ABCC1: variants seen among roughly 807,000 people sequenced by gnomAD.
ABCC1 encodes the protein multidrug resistance-associated protein 1.
In ABCC1, 83 loss-of-function variants were observed where a neutral mutation model predicts 172.9. The ratio of observed to expected loss-of-function variants is 0.48; its 90% CI spans 0.40 to 0.58. The LOEUF is 0.58. ABCC1 is among the 20% of genes least tolerant of loss of function. The probability of loss-of-function intolerance (pLI) is 0.00; values close to 1 mark genes in which losing one functional copy is unlikely to be tolerated. For missense variants in ABCC1, 1,817 were observed against 2,002.7 expected, an observed-to-expected ratio of 0.91 and a Z score of 1.77; for synonymous variants, 937 against 825.2, an observed-to-expected ratio of 1.14 and a Z score of -2.32.
At chr16:16,013,001 G>A (rs1016317850) in intron 3 of ABCC1, among the ~76,000 whole-genome samples, 3 of 151,964 alleles carry the variant, frequency 2.0e-5, no homozygotes, top group African/African-American at 4.8e-5. Flanking sequence ...TCTTTTGATC[G>A]TTCATTTATG....
chr16:16,008,836 CCTT>C (rs1481221091), intron 2 of ABCC1, among the ~76,000 whole-genome samples: 5 of 135,138 alleles, frequency 3.7e-5, no homozygotes, highest in East Asian at 2.0e-4. Flanking sequence ...GAGCGAGACT[CCTT>C]CTCAAAAAAA....
rs374598733 is a variant in ABCC1 at position 16,121,389 on chromosome 16, A to G, written c.3391-586A>G. Among the ~76,000 whole-genome samples, 25 of 152,338 alleles carry G rather than the reference A, an allele frequency of 1.6e-4. No homozygotes were observed. The East Asian group carries it at 4.8e-3, about 29-fold the overall frequency. On this transcript the variant is annotated intron_variant, in intron 23 of 30. Coordinates refer to ENST00000399410, the MANE Select transcript of ABCC1 (RefSeq NM_004996.4). ...TTTACAGATAAGGAAACTGAGGCTTAGAGAAGTAAAGTGTTAGTCGTGTTT... is the reference window on the plus strand; with the variant it reads ...TTTACAGATAAGGAAACTGAGGCTTGGAGAAGTAAAGTGTTAGTCGTGTTT...
intron 1 of ABCC1, among the ~76,000 whole-genome samples, chr16:15,992,589 C>T (rs892071470): frequency 2.6e-5 from 4 of 152,110 alleles, no homozygotes; most frequent in African/African-American, 4.8e-5. Context: ...TTAGTAGAGA[C>T]GGGGTTTTAC....
intron 17 of ABCC1, among the ~76,000 whole-genome samples, chr16:16,083,857 A>C (rs2050903501): frequency 1.3e-5 from 2 of 152,134 alleles, no homozygotes; most frequent in South Asian, 4.1e-4. Flanking sequence ...CTTAAAGTAC[A>C]CTGTCCCTTC....
At position 16,106,889 on chromosome 16, in the gene ABCC1, T is replaced by C. The variant is rs1358030623; in HGVS notation, c.2871+16T>C. ...GACAGGGCAGGTGAGATTCGCTCCT[T>C]AAGTGATGACAGTGGCTGGAGTTTA... On this transcript the variant is annotated intron_variant, in intron 21 of 30. Transcript: ENST00000399410. The C allele has an allele frequency of 1.9e-6, 3 of 1,613,856 alleles. No homozygotes were observed. Among genetic ancestry groups the C allele is most frequent in the Non-Finnish European group, 2.5e-6 (3 of 1,179,922 alleles).
intron 1 of ABCC1, among the ~76,000 whole-genome samples, chr16:15,993,020 G>A (rs1049706663): frequency 6.6e-6 from 1 of 152,056 alleles, no homozygotes; most frequent in Non-Finnish European, 1.5e-5. Context: ...TGCCCAGACC[G>A]CCACTCTGGT....
chr16:15,966,374 T>C (rs2046242082), intron 1 of ABCC1, among the ~76,000 whole-genome samples: 1 of 149,314 alleles, frequency 6.7e-6, no homozygotes, highest in African/African-American at 2.5e-5. Context: ...ATTGTGCCAC[T>C]GCACTCCAGC....
At chr16:16,094,169 A>G (rs1434578614) in intron 19 of ABCC1, 4 of 247,776 alleles carry the variant, frequency 1.6e-5, no homozygotes, top group South Asian at 5.4e-5. Flanking sequence ...GAGTGAGCTC[A>G]CGTATGGGTT....
chr16:16,079,562 T>G, intron 16 of ABCC1, 84 bp downstream of exon 16: 2 of 1,510,328 alleles, frequency 1.3e-6, no homozygotes, highest in Non-Finnish European at 1.8e-6. Flanking sequence ...TTCTTTTGAC[T>G]GTCCCTGTGC....
intron 5 of ABCC1, among the ~76,000 whole-genome samples, chr16:16,017,536 C>T (rs899649510): frequency 6.6e-6 from 1 of 152,020 alleles, no homozygotes; most frequent in African/African-American, 2.4e-5. Context: ...GCCCAGGATC[C>T]ATTAGCTATT....
At chr16:15,983,431 G>A (rs143082532) in intron 1 of ABCC1, among the ~76,000 whole-genome samples, 39 of 152,204 alleles carry the variant, frequency 2.6e-4, no homozygotes, top group African/African-American at 8.4e-4. Flanking sequence ...CCTGTCTGCG[G>A]TTGGGAGGGG....
intron 9 of ABCC1, 55 bp from the exon 10 acceptor site, chr16:16,048,087 G>A (rs2049289472): frequency 2.5e-6 from 4 of 1,595,192 alleles, no homozygotes; most frequent in Non-Finnish European, 2.6e-6. Context: ...TGGAGGGAGA[G>A]TCAGGCCTCT....
At chr16:16,104,960 G>A (rs1340725070) in intron 20 of ABCC1, among the ~76,000 whole-genome samples, 3 of 152,132 alleles carry the variant, frequency 2.0e-5, no homozygotes, top group Non-Finnish European at 4.4e-5. Flanking sequence ...CAGAACTAGC[G>A]CTGGCCCGCA....
intron 28 of ABCC1, among the ~76,000 whole-genome samples, chr16:16,135,511 A>G (rs2045885746): frequency 2.6e-5 from 4 of 151,974 alleles, no homozygotes; most frequent in Admixed American, 2.6e-4. Flanking sequence ...CACCCAGTGC[A>G]GTGGCACGAT....
intron 27 of ABCC1, among the ~76,000 whole-genome samples, chr16:16,133,332 G>T (rs1384066822): frequency 6.6e-6 from 1 of 152,166 alleles, no homozygotes; most frequent in Non-Finnish European, 1.5e-5. Flanking sequence ...TTCTCTCTGA[G>T]TTACAGAGAA....
intron 17 of ABCC1, among the ~76,000 whole-genome samples, chr16:16,084,809 T>C (rs551238636): frequency 6.6e-6 from 1 of 152,140 alleles, no homozygotes; most frequent in South Asian, 2.1e-4. Context: ...TTAGTAGAGA[T>C]GGGATTTCGC....
At chr16:16,044,715 T>G in intron 8 of ABCC1, 35 bp downstream of exon 8, 1 of 1,580,140 alleles carries the variant, frequency 6.3e-7, no homozygotes, top group Non-Finnish European at 8.7e-7. Flanking sequence ...GGCTCCATTT[T>G]CCCTCCTTGG....
At chr16:15,967,750 A>G (rs1352500548) in intron 1 of ABCC1, among the ~76,000 whole-genome samples, 5 of 109,294 alleles carry the variant, frequency 4.6e-5, no homozygotes, top group Non-Finnish European at 7.5e-5. Context: ...ACAGCATGGC[A>G]CTGTCTCCAA....
intron 3 of ABCC1, among the ~76,000 whole-genome samples, chr16:16,012,700 TCC>T (rs779731248): frequency 0.22 from 33,492 of 149,344 alleles, 4,876 homozygotes; most frequent in African/African-American, 0.4. Flanking sequence ...TTTTTTTTTT[TCC>T]TTTGAGGCAG....
Sources: gnomAD v4.1 joint callset for allele counts (sites outside exome capture counted in the v4.1 genomes callset) on GRCh38, gnomAD v4.1.1 for gene constraint, MANE v1.5 for transcripts, NCBI Gene and HGNC (gene_info 2026-07-23, HGNC 2026-07-21) for gene names.